The following DLC1 variants were observed in gnomAD, a reference collection of about 807,000 sequenced individuals.
DLC1 encodes the protein rho GTPase-activating protein 7.
In DLC1, 54 loss-of-function variants were observed where a neutral mutation model predicts 140.3. The observed-to-expected ratio is 0.38, with a 90% CI of 0.31 to 0.48. The LOEUF (loss-of-function observed/expected upper bound fraction) is 0.48, where lower values mean the gene tolerates loss of function less well. Among genes scored for constraint, DLC1 ranks in the 20% least tolerant of loss-of-function variants. The pLI is 0.96. For missense variants in DLC1, 2,536 were observed against 1,907.0 expected (o/e 1.33, Z -6.14); for synonymous variants, 986 against 728.1 (o/e 1.35, Z -5.70).
At chr8:13,344,211 A>G (rs2116998478) in intron 4 of DLC1, among the ~76,000 whole-genome samples, 1 of 152,310 alleles carries the variant, frequency 6.6e-6, no homozygotes, top group African/African-American at 2.4e-5. Flanking sequence ...ACTTTCAATC[A>G]GCCTGGCCGT....
chr8:13,091,230 A>G lies in DLC1; in HGVS notation c.3855+88T>C, dbSNP rs534829832. 238 of 1,262,866 alleles carry G rather than the reference A, an allele frequency of 1.9e-4. No individual in the cohort carries two copies. The South Asian group carries it at 2.9e-3, about 15-fold the overall frequency. 78.2% of individuals were successfully genotyped at this position (1,262,866 alleles called of 1,614,324 possible). The stretch of plus-strand genomic sequence containing the variant: ...GTCTCCAGCTGTGGAAAAGGTCTTC[A>G]GGTAAGACATGAACAAGGGTCAAGC... On this transcript the variant is annotated intron_variant, in intron 14 of 17. Transcript: ENST00000276297.
intron 2 of DLC1, among the ~76,000 whole-genome samples, chr8:13,496,786 CTTTTTTTTTTTTTTTTTTTTTTTTT>C (rs869192950): frequency 4.3e-5 from 1 of 23,486 alleles, no homozygotes; most frequent in African/African-American, 1.2e-4. Context: ...AGACCATTTC[CTTTTTTTTTTTTTTTTTTTTTTTTT>C]TTTTTTTGAG....
At chr8:13,271,153 T>C (rs1418958249) in intron 5 of DLC1, among the ~76,000 whole-genome samples, 1 of 152,240 alleles carries the variant, frequency 6.6e-6, no homozygotes, top group Non-Finnish European at 1.5e-5. Flanking sequence ...ATGTTCACAT[T>C]GCAATATCTC....
chr8:13,117,288 T>C (rs1820636481), intron 5 of DLC1, among the ~76,000 whole-genome samples: 1 of 151,704 alleles, frequency 6.6e-6, no homozygotes, highest in African/African-American at 2.4e-5. Flanking sequence ...CTGGGCAACA[T>C]GGCGAAACCC....
chr8:13,370,069 T>C (rs773619638), intron 4 of DLC1, among the ~76,000 whole-genome samples: 1 of 151,002 alleles, frequency 6.6e-6, no homozygotes, highest in Admixed American at 6.6e-5. Context: ...TCTCCAGGTA[T>C]GTACATTGTT....
chr8:13,516,879 A>G (rs1240741952), upstream of DLC1, among the ~76,000 whole-genome samples: 2 of 152,200 alleles, frequency 1.3e-5, no homozygotes, highest in Admixed American at 6.5e-5. Context: ...CAAATGATAC[A>G]AAGTGCCCAG....
intron 1 of DLC1, among the ~76,000 whole-genome samples, chr8:13,554,885 T>G (rs937969587): frequency 4.6e-5 from 7 of 152,234 alleles, no homozygotes; most frequent in African/African-American, 1.7e-4. Context: ...CCAAAGATCT[T>G]ACAACTGCCT....
intron 2 of DLC1, among the ~76,000 whole-genome samples, chr8:13,465,093 A>G (rs1799871717): frequency 6.6e-6 from 1 of 152,148 alleles, no homozygotes; most frequent in East Asian, 1.9e-4. Flanking sequence ...GTGAGTTCAT[A>G]TCTGTATGAT....
chr8:13,203,752 C>T (rs1162872896), intron 5 of DLC1, among the ~76,000 whole-genome samples: 5 of 152,104 alleles, frequency 3.3e-5, no homozygotes, highest in African/African-American at 7.2e-5. Context: ...TTTAAAATAG[C>T]TTTGTGATAT....
In DLC1 at chr8:13,556,766, T is replaced by C. The variant is rs1167429988; in HGVS notation, c.-126+47771A>G. Among the ~76,000 whole-genome samples the C allele has an allele frequency of 3.9e-5, 6 of 152,198 alleles. No homozygotes were observed. The East Asian group carries it at 1.2e-3, about 29-fold the overall frequency. On this transcript the variant is annotated intron_variant, in intron 1 of 1. Transcript: ENST00000631382. ...ACACAGTGCGAAAGTGGGAAAAACA[T>C]ATGCTTATTTCTAAAGTGGATGCTG...
At chr8:13,567,074 C>T (rs13273355) in intron 1 of DLC1, 1,271,816 of 1,551,578 alleles carry the variant, frequency 0.82, 523,269 homozygotes, top group East Asian at 0.97. Flanking sequence ...TTGAAGAACT[C>T]TACTGATGAG....
chr8:13,178,872 G>C (rs1342066762), intron 5 of DLC1, among the ~76,000 whole-genome samples: 4 of 152,006 alleles, frequency 2.6e-5, no homozygotes, highest in Non-Finnish European at 5.9e-5. Context: ...AAAATTACTT[G>C]GAAGTATCAA....
At chr8:13,202,321 G>A (rs1827432403) in intron 5 of DLC1, among the ~76,000 whole-genome samples, 1 of 152,112 alleles carries the variant, frequency 6.6e-6, no homozygotes, top group African/African-American at 2.4e-5. Flanking sequence ...CTTATTTACA[G>A]GGTACAGTGT....
chr8:13,441,997 C>T (rs942560507), intron 2 of DLC1, among the ~76,000 whole-genome samples: 11 of 152,054 alleles, frequency 7.2e-5, no homozygotes, highest in African/African-American at 2.7e-4. Context: ...GTACTGGTAC[C>T]AAAACAAGAT....
At chr8:13,513,556 C>T (rs1354902600) in intron 1 of DLC1, among the ~76,000 whole-genome samples, 2 of 151,982 alleles carry the variant, frequency 1.3e-5, no homozygotes, top group Non-Finnish European at 2.9e-5. Context: ...TTGTATTCAT[C>T]TAATAGATTT....
At chr8:13,419,257 T>C (rs289597) in intron 2 of DLC1, among the ~76,000 whole-genome samples, 113,638 of 151,298 alleles carry the variant, frequency 0.75, 43,035 homozygotes, top group African/African-American at 0.8. Context: ...CTATGTTGAA[T>C]AGGAGTGGTG....
At chr8:13,144,810 A>G (rs1442348717) in intron 5 of DLC1, among the ~76,000 whole-genome samples, 1 of 152,152 alleles carries the variant, frequency 6.6e-6, no homozygotes, top group African/African-American at 2.4e-5. Flanking sequence ...CCATCTATCT[A>G]TTTATCTGTC....
intron 4 of DLC1, among the ~76,000 whole-genome samples, chr8:13,327,996 G>A (rs1833440956): frequency 6.6e-6 from 1 of 152,190 alleles, no homozygotes; most frequent in African/African-American, 2.4e-5. Context: ...TTCTAGGTAA[G>A]AATCTTGGCA....
intron 1 of DLC1, among the ~76,000 whole-genome samples, chr8:13,524,151 T>C (rs1187088740): frequency 8.0e-6 from 1 of 124,738 alleles, no homozygotes; most frequent in Non-Finnish European, 1.7e-5. Flanking sequence ...ATTATTATTA[T>C]TATTGAGTCA....
Sources: allele counts gnomAD v4.1 joint callset (sites outside exome capture counted in the v4.1 genomes callset), GRCh38; gene constraint gnomAD v4.1.1; transcripts MANE v1.5; gene names NCBI Gene and HGNC (gene_info 2026-07-23, HGNC 2026-07-21).